Variants in ZNF653 observed in about 807,000 individuals in gnomAD.
ZNF653 encodes zinc finger protein 653, also known as 67 kDa zinc finger protein.
ZNF653 carries 37 observed loss-of-function variants against 59.9 expected under a neutral mutation model. The observed-to-expected ratio is 0.62, with a 90% CI of 0.48 to 0.81. The LOEUF (loss-of-function observed/expected upper bound fraction) is 0.81. Ranked by LOEUF, ZNF653 falls within the 40% of genes least tolerant of loss-of-function variation. The pLI is 0.00. For synonymous variants in ZNF653, 435 were observed against 371.8 expected, an observed-to-expected ratio of 1.17 and a Z score of -1.96; for missense variants, 808 against 881.1, an observed-to-expected ratio of 0.92 and a Z score of 1.05.
At chr19:11,497,632 G>A (rs1971602450) in intron 2 of ZNF653, among the ~76,000 whole-genome samples, 1 of 152,198 alleles carries the variant, frequency 6.6e-6, no homozygotes, top group African/African-American at 2.4e-5. Flanking sequence ...CAAGTGCGAG[G>A]ACAGCATGTC....
chr19:11,484,872 C>A (rs1451721497), intron 7 of ZNF653, among the ~76,000 whole-genome samples: 1 of 150,922 alleles, frequency 6.6e-6, no homozygotes, highest in Non-Finnish European at 1.5e-5. Flanking sequence ...GCTAACATGG[C>A]GAAACCCTGT....
rs755286896 is a variant in ZNF653 at position 11,487,755 on chromosome 19, G to A, written c.708C>T (p.Leu236=). ...TPTSPVGSSG[L]ITQEGVHIPF... is the part of the protein sequence containing the mutation. ...GAATGTGCACGCCCTCCTGAGTGAT[G>A]AGCCCGCTGCTGCCCACCGGGCTGG... The change falls in exon 4 of 9, where the codon CTC becomes CTT. Residue 236 remains leucine, a synonymous_variant. Transcript: ENST00000293771. This position sits in a 1 kb window ranked among gnomAD's most constrained non-coding sequence, Gnocchi z 5.1. 6.2e-6 allele frequency: 10 copies of A among 1,613,196 alleles called. No homozygotes were observed. The Middle Eastern group carries it at 4.9e-4, about 80-fold the overall frequency.
intron 7 of ZNF653, among the ~76,000 whole-genome samples, chr19:11,485,083 A>C (rs1021621366): frequency 2.0e-5 from 3 of 150,570 alleles, no homozygotes; most frequent in South Asian, 4.2e-4. Context: ...CAAAAAAAAC[A>C]AAAAAAACCC....
At chr19:11,502,222 G>C (rs1278458479) in intron 1 of ZNF653, among the ~76,000 whole-genome samples, 1 of 152,112 alleles carries the variant, frequency 6.6e-6, no homozygotes, top group Non-Finnish European at 1.5e-5. Context: ...CTCCCAAGCA[G>C]CTGCGACTAC....
In ZNF653 at chr19:11,483,689, G is replaced by A; in HGVS notation, c.1841C>T (p.Pro614Leu). 1.9e-6 allele frequency: 3 copies of A among 1,612,404 alleles called. No homozygotes were observed. The highest frequency in any genetic ancestry group is 1.1e-5 in the South Asian group (1 of 91,068). ...HTLKSHPDHK[P>L]T is the part of the protein sequence containing the mutation. ...GGTCAGTGGTCAGGTGGGTCAGGTG[G>A]GCTTGTGATCCGGGTGGCTTTTGAG... Residue 614 changes from proline to leucine, a missense_variant, in exon 9 of 9, where the codon CCC becomes CTC. Physicochemically the swap from Pro to Leu is moderately conservative, Grantham distance 98 (BLOSUM62 -3). Transcript: ENST00000293771.
Position 11,503,765 on chromosome 19 carries a change from C to T in ZNF653, c.299+1723G>A, listed in dbSNP as rs1599570134. 2.0e-5 allele frequency among the ~76,000 whole-genome samples: 3 copies of T among 152,000 alleles called. No homozygotes were observed. The East Asian group carries it at 5.8e-4, about 29-fold the overall frequency. ...AGGCTGCTGTGAGCTATGAACATGC[C>T]ACTGTACTCTGGCCTGGGTGACAAA... On this transcript the variant is annotated intron_variant, in intron 1 of 8. Transcript: ENST00000293771.
intron 3 of ZNF653, among the ~76,000 whole-genome samples, chr19:11,489,309 T>G: frequency 6.6e-6 from 1 of 151,138 alleles, no homozygotes; most frequent in Non-Finnish European, 1.5e-5. Flanking sequence ...AAGCAACTCT[T>G]GTGCCTCAGC....
intron 1 of ZNF653, among the ~76,000 whole-genome samples, chr19:11,502,404 A>T (rs558964628): frequency 1.6e-4 from 24 of 151,996 alleles, no homozygotes; most frequent in African/African-American, 5.8e-4. Context: ...CCTTTTTTTT[A>T]TTTTAATTGT....
intron 3 of ZNF653, among the ~76,000 whole-genome samples, chr19:11,489,277 G>C (rs1971505913): frequency 6.6e-6 from 1 of 151,972 alleles, no homozygotes; most frequent in African/African-American, 2.4e-5. Flanking sequence ...CGGGCTCACT[G>C]CAACCTCTAC....
intron 3 of ZNF653, among the ~76,000 whole-genome samples, chr19:11,493,605 G>GGCGC (rs1474610918): frequency 5.9e-5 from 9 of 152,146 alleles, no homozygotes; most frequent in African/African-American, 2.2e-4. Flanking sequence ...CCAGAAGGAG[G>GGCGC]GCGCAGTGTC....
Position 11,502,154 on chromosome 19 carries a change from C to T in ZNF653, c.299+3334G>A, listed in dbSNP as rs148557786. On this transcript the variant is annotated intron_variant, in intron 1 of 8. Coordinates refer to ENST00000293771, the MANE Select transcript of ZNF653 (RefSeq NM_138783.4). ...TTGCCCAGGCTGGAGTACAGTGGCG[C>T]GATCTCGGCTCACTGCAACCTCCAC... Among the ~76,000 whole-genome samples the T allele has an allele frequency of 3.5e-3, 534 of 151,618 alleles. 5 individuals carry two copies. The highest frequency in any genetic ancestry group is 0.011 in the African/African-American group (472 of 41,270).
At position 11,495,044 on chromosome 19, in the gene ZNF653, C is replaced by T. The variant is rs151131261; in HGVS notation, c.559+906G>A. ...GGGGGCGCCCACCCGGAACACCTCTCGCCCCCGGCTTCCCCTCGGCCAGCT... is the reference window on the plus strand; with the variant it reads ...GGGGGCGCCCACCCGGAACACCTCTTGCCCCCGGCTTCCCCTCGGCCAGCT... On this transcript the variant is annotated intron_variant, in intron 3 of 8. Coordinates refer to ENST00000293771, the MANE Select transcript of ZNF653 (RefSeq NM_138783.4). The surrounding 1 kb of genome is among the most constrained non-coding windows in gnomAD (Gnocchi z 4.9). Among the ~76,000 whole-genome samples, 209 of 152,332 alleles carry T rather than the reference C, an allele frequency of 1.4e-3. No homozygotes were observed. Among genetic ancestry groups the T allele is most frequent in the African/African-American group, 4.7e-3 (197 of 41,588 alleles).
chr19:11,500,135 G>A (rs556015726), intron 1 of ZNF653, among the ~76,000 whole-genome samples: 7 of 152,140 alleles, frequency 4.6e-5, no homozygotes, highest in East Asian at 1.9e-4. Flanking sequence ...TGTCCACCCC[G>A]TCTGACTCCT....
chr19:11,505,787 C>A lies in ZNF653; in HGVS notation c.-1G>T, dbSNP rs1226795321. On this transcript the variant is annotated 5_prime_UTR_variant, in exon 1 of 9. Transcript: ENST00000293771. ...CGGGCTCTAGCGCCCGCTCCGCCAT[C>A]CCCCCCACCCTGGTTACCAGCCTCC... The A allele has an allele frequency of 7.5e-7, 1 of 1,339,688 alleles. No homozygotes were observed. The highest frequency in any genetic ancestry group is 9.6e-7 in the Non-Finnish European group (1 of 1,043,728). The allele number at this position is 1,339,688 out of a possible 1,614,324, so 83.0% of individuals were successfully genotyped here. A position where few individuals can be genotyped will look rare whatever the true frequency, so the allele number is the denominator to read the frequency against.
At position 11,496,151 on chromosome 19, in the gene ZNF653, C is replaced by T. The variant is rs759350136; in HGVS notation, c.358G>A (p.Val120Met). ...ATCACCACGTTCTTCAGGCAGTTCA[C>T]GTTGCGTCGCCGCCCTATGGACACA... ...PKRKKRRRRNVNCLKNVVIWY... is the reference protein window; with the variant it reads ...PKRKKRRRRNMNCLKNVVIWY... Residue 120 changes from valine to methionine, a missense_variant, in exon 3 of 9, where the codon GTG becomes ATG. Transcript: ENST00000293771. 2.1e-5 allele frequency: 34 copies of T among 1,613,778 alleles called. No homozygotes were observed. Among genetic ancestry groups the T allele is most frequent in the Admixed American group, 6.7e-5 (4 of 60,016 alleles).
rs1173492023 is a variant in ZNF653, at chr19:11,485,688, T to C, written c.1538A>G (p.Asn513Ser). ...GATGATCATGTGCCGCCGCAGGTGGTTGGATAAATAGAACTTCTTGCCACA... is the reference window on the plus strand; with the variant it reads ...GATGATCATGTGCCGCCGCAGGTGGCTGGATAAATAGAACTTCTTGCCACA... ...PGCGKKFYLS[N>S]HLRRHMIIHS... Residue 513 changes from asparagine (N) to serine (S), a missense_variant, in exon 7 of 9, where the codon AAC becomes AGC. By Grantham distance (46) the Asn-to-Ser change is conservative. Transcript: ENST00000293771. The C allele has an allele frequency of 7.4e-6, 12 of 1,613,824 alleles. No individual in the cohort carries two copies. The highest frequency in any genetic ancestry group is 1.1e-5 in the South Asian group (1 of 91,062).
rs1213910879 is a variant in ZNF653 at position 11,495,488 on chromosome 19, A to C, written c.559+462T>G. On this transcript the variant is annotated intron_variant, in intron 3 of 8. Coordinates refer to ENST00000293771, the MANE Select transcript of ZNF653 (RefSeq NM_138783.4). This position sits in a 1 kb window ranked among gnomAD's most constrained non-coding sequence, Gnocchi z 4.9. ...GAAGCCTGGAAAGGCAGAAGGCAAG[A>C]GAATGCAACTGGGAGCCAGAGAAAA... 1 of 182,530 alleles carries C rather than the reference A, an allele frequency of 5.5e-6. No individual in the cohort carries two copies. Among genetic ancestry groups the C allele is most frequent in the Non-Finnish European group, 1.2e-5 (1 of 85,060 alleles). 11.3% of individuals were successfully genotyped at this position (182,530 alleles called of 1,614,324 possible).
intron 7 of ZNF653, among the ~76,000 whole-genome samples, chr19:11,484,955 CAGA>C (rs1265646159): frequency 6.6e-6 from 1 of 151,092 alleles, no homozygotes; most frequent in African/African-American, 2.4e-5. Context: ...GAGGCTGGGG[CAGA>C]AGAATTGCTT....
At chr19:11,489,793 C>T (rs187350813) in intron 3 of ZNF653, among the ~76,000 whole-genome samples, 9 of 152,320 alleles carry the variant, frequency 5.9e-5, no homozygotes, top group Admixed American at 2.0e-4. Flanking sequence ...CTCTCTTAGC[C>T]CCCAGACCCA....
Sources: gnomAD v4.1 joint callset for allele counts (sites outside exome capture counted in the v4.1 genomes callset) on GRCh38, gnomAD v4.1.1 for gene constraint, Gnocchi (gnomAD v3.1) non-coding constraint, MANE v1.5 for transcripts, NCBI Gene and HGNC (gene_info 2026-07-23, HGNC 2026-07-21) for gene names.